Variants in ATXN1 observed in about 807,000 individuals in gnomAD.
The protein encoded by ATXN1 is ataxin 1, also known as ataxin-1.
A neutral mutation model predicts 56.4 loss-of-function variants in ATXN1; 8 were observed. The ratio of observed to expected loss-of-function variants is 0.14; its 90% CI spans 0.08 to 0.26. ATXN1 has a LOEUF of 0.26. Among genes scored for constraint, ATXN1 ranks in the 10% least tolerant of loss-of-function variants. The probability of loss-of-function intolerance (pLI) is 1.00; values close to 1 mark genes in which losing one functional copy is unlikely to be tolerated. For synonymous variants in ATXN1, 514 were observed against 494.6 expected, an observed-to-expected ratio of 1.04 and a Z score of -0.52; for missense variants, 987 against 1,106.5, an observed-to-expected ratio of 0.89 and a Z score of 1.53.
At chr6:16,579,695 G>GA (rs1396023632) in intron 4 of ATXN1, among the ~76,000 whole-genome samples, 10 of 151,950 alleles carry the variant, frequency 6.6e-5, no homozygotes, top group Non-Finnish European at 1.5e-4. Flanking sequence ...TCTCCACCAG[G>GA]AAAAAATACA....
At chr6:16,532,783 T>C (rs1761530136) in intron 4 of ATXN1, among the ~76,000 whole-genome samples, 1 of 152,198 alleles carries the variant, frequency 6.6e-6, no homozygotes, top group South Asian at 2.1e-4. Context: ...TGTACATTAC[T>C]GATAGAAATG....
In ATXN1 at chr6:16,440,955, G is replaced by T. The variant is rs554919116; in HGVS notation, c.-161+45017C>A. Among the ~76,000 whole-genome samples the T allele has an allele frequency of 4.6e-4, 70 of 152,306 alleles. 1 individual carries two copies. Among genetic ancestry groups the T allele is most frequent in the African/African-American group, 1.7e-3 (70 of 41,560 alleles). On this transcript the variant is annotated intron_variant, in intron 6 of 7. Coordinates refer to ENST00000436367, the MANE Select transcript of ATXN1 (RefSeq NM_001128164.2). ...ATATCTGTGCAAGAGAAAGTTGGAG[G>T]AGAGGCAGTGGGCATCTGAAGGTTT...
At chr6:16,578,798 C>G (rs550993949) in intron 4 of ATXN1, among the ~76,000 whole-genome samples, 27 of 152,206 alleles carry the variant, frequency 1.8e-4, no homozygotes, top group Admixed American at 5.9e-4. Context: ...ATAAGCCCCC[C>G]TTTTTGGGGT....
chr6:16,611,573 G>A (rs1763106386), intron 3 of ATXN1, among the ~76,000 whole-genome samples: 1 of 152,134 alleles, frequency 6.6e-6, no homozygotes, highest in Non-Finnish European at 1.5e-5. Context: ...AAAGTTACAA[G>A]AAGATTGGGG....
chr6:16,325,719 G>A (rs1199067392), intron 7 of ATXN1, among the ~76,000 whole-genome samples: 1 of 152,036 alleles, frequency 6.6e-6, no homozygotes, highest in African/African-American at 2.4e-5. Flanking sequence ...AGAGTTGTCT[G>A]CTGATCTATC....
Position 16,743,276 on chromosome 6 carries a change from T to G in ATXN1, c.-615+9957A>C, listed in dbSNP as rs545010881. Among the ~76,000 whole-genome samples, 27 of 152,372 alleles carry G rather than the reference T, an allele frequency of 1.8e-4. No homozygotes were observed. The South Asian group carries it at 5.4e-3, about 30-fold the overall frequency. ...TTCAGCACTCTATTACGTACAGCTTTCTTTCCAGAAAATTCATCATTGGAC... is the reference window on the plus strand; with the variant it reads ...TTCAGCACTCTATTACGTACAGCTTGCTTTCCAGAAAATTCATCATTGGAC... On this transcript the variant is annotated intron_variant, in intron 2 of 7. Coordinates refer to ENST00000436367, the MANE Select transcript of ATXN1 (RefSeq NM_001128164.2).
chr6:16,611,173 ATATGTC>A (rs1338798342), intron 3 of ATXN1, among the ~76,000 whole-genome samples: 1 of 152,230 alleles, frequency 6.6e-6, no homozygotes, highest in Non-Finnish European at 1.5e-5. Flanking sequence ...CAAAACATCT[ATATGTC>A]TATATCTAAC....
intron 6 of ATXN1, among the ~76,000 whole-genome samples, chr6:16,460,941 G>A (rs1389257437): frequency 6.6e-6 from 1 of 152,336 alleles, no homozygotes; most frequent in South Asian, 2.1e-4. Context: ...ACATGCCCAT[G>A]CTGCAATATG....
intron 6 of ATXN1, among the ~76,000 whole-genome samples, chr6:16,334,524 T>C (rs1761070730): frequency 6.6e-6 from 1 of 152,138 alleles, no homozygotes; most frequent in African/African-American, 2.4e-5. Context: ...AAGGCCAGCC[T>C]GGACAACATA....
At chr6:16,729,918 C>T (rs116827356) in intron 2 of ATXN1, among the ~76,000 whole-genome samples, 164 of 152,326 alleles carry the variant, frequency 1.1e-3, no homozygotes, top group African/African-American at 3.8e-3. Context: ...ATGTTGATTA[C>T]CTTTCTTCCT....
intron 6 of ATXN1, among the ~76,000 whole-genome samples, chr6:16,442,331 T>C (rs1021707622): frequency 1.3e-5 from 2 of 152,194 alleles, no homozygotes; most frequent in African/African-American, 4.8e-5. Context: ...GCAACCAGTC[T>C]GGCTGGAAAG....
chr6:16,467,797 T>G (rs1760137058), intron 6 of ATXN1, among the ~76,000 whole-genome samples: 1 of 152,230 alleles, frequency 6.6e-6, no homozygotes, highest in African/African-American at 2.4e-5. Flanking sequence ...CAGTTCATTT[T>G]AAACTGTATT....
intron 4 of ATXN1, among the ~76,000 whole-genome samples, chr6:16,550,155 C>CAAAAAAAAAAAAAAAAAAAAAAAAAAAA (rs70999336): frequency 1.1e-5 from 1 of 91,196 alleles, no homozygotes; most frequent in African/African-American, 4.5e-5. Context: ...AAATAAAATA[C>CAAAAAAAAAAAAAAAAAAAAAAAAAAAA]AAAAAAAAAA....
intron 6 of ATXN1, among the ~76,000 whole-genome samples, chr6:16,456,136 C>T (rs1043508021): frequency 6.6e-6 from 1 of 152,134 alleles, no homozygotes; most frequent in Non-Finnish European, 1.5e-5. Context: ...CTACTGCTCA[C>T]TCTTTGGGTC....
intron 5 of ATXN1, among the ~76,000 whole-genome samples, chr6:16,518,977 A>G (rs1761237155): frequency 6.6e-6 from 1 of 152,190 alleles, no homozygotes; most frequent in Non-Finnish European, 1.5e-5. Flanking sequence ...CATTAGGAAA[A>G]TAATTTCTTG....
chr6:16,588,129 T>G (rs1762661225), intron 3 of ATXN1, among the ~76,000 whole-genome samples: 1 of 151,948 alleles, frequency 6.6e-6, no homozygotes, highest in South Asian at 2.1e-4. Flanking sequence ...TCTCCCAAAT[T>G]ATGCCCCATA....
intron 5 of ATXN1, among the ~76,000 whole-genome samples, chr6:16,487,341 A>T (rs1311335757): frequency 6.6e-6 from 1 of 152,210 alleles, no homozygotes; most frequent in African/African-American, 2.4e-5. Context: ...AAAAAAAACA[A>T]AAAAGAGTGG....
At chr6:16,433,531 C>A (rs1254754950) in intron 6 of ATXN1, among the ~76,000 whole-genome samples, 1 of 152,156 alleles carries the variant, frequency 6.6e-6, no homozygotes, top group East Asian at 1.9e-4. Context: ...GTTAAGCACC[C>A]CTTTGTCACG....
intron 4 of ATXN1, among the ~76,000 whole-genome samples, chr6:16,556,215 G>C (rs1413029186): frequency 2.6e-5 from 4 of 151,828 alleles, no homozygotes; most frequent in Non-Finnish European, 4.4e-5. Flanking sequence ...TAATATTTTG[G>C]GGAAAAAAAC....
Sources: allele counts gnomAD v4.1 joint callset (sites outside exome capture counted in the v4.1 genomes callset), GRCh38; gene constraint gnomAD v4.1.1; transcripts MANE v1.5; gene names NCBI Gene and HGNC (gene_info 2026-07-23, HGNC 2026-07-21).